DPYSL5: variants seen among roughly 807,000 people sequenced by gnomAD.
The protein encoded by DPYSL5 is dihydropyrimidinase like 5.
In DPYSL5, 9 loss-of-function variants were observed where a neutral mutation model predicts 58.4. The observed-to-expected ratio is 0.15, with a 90% CI of 0.09 to 0.27. The LOEUF (loss-of-function observed/expected upper bound fraction) is 0.27, where lower values mean the gene tolerates loss of function less well. Among genes scored for constraint, DPYSL5 ranks in the 10% least tolerant of loss-of-function variants. The pLI is 1.00. For synonymous variants in DPYSL5, 293 were observed against 301.9 expected, an observed-to-expected ratio of 0.97 and a Z score of 0.31; for missense variants, 499 against 770.6, an observed-to-expected ratio of 0.65 and a Z score of 4.17.
At chr2:26,867,304 T>G (rs1476621591) in intron 1 of DPYSL5, among the ~76,000 whole-genome samples, 1 of 152,228 alleles carries the variant, frequency 6.6e-6, no homozygotes, top group African/African-American at 2.4e-5. Context: ...CAATTTTCCT[T>G]ATCACTAATC....
chr2:26,928,068 C>T (rs1393061193), intron 4 of DPYSL5, among the ~76,000 whole-genome samples, 187 bp from the exon 5 acceptor site: 1 of 152,188 alleles, frequency 6.6e-6, no homozygotes, highest in South Asian at 2.1e-4. Context: ...ATCAGGAGAG[C>T]CCCACTGCAT....
chr2:26,931,725 T>A lies in DPYSL5; in HGVS notation c.714+41T>A, dbSNP rs767754631. 3 of 1,609,476 alleles carry A rather than the reference T, an allele frequency of 1.9e-6. No homozygotes were observed. The South Asian group carries it at 3.3e-5, about 18-fold the overall frequency. On this transcript the variant is annotated intron_variant, in intron 6 of 12. Coordinates refer to ENST00000288699, the MANE Select transcript of DPYSL5 (RefSeq NM_020134.4). Reference sequence around the variant, plus strand: ...TCCACTGTGGGATTAGAAACCAACCTTGGCCAGGCACGGTGCTGATGTCTG... The same window carrying A: ...TCCACTGTGGGATTAGAAACCAACCATGGCCAGGCACGGTGCTGATGTCTG...
chr2:26,912,258 C>T (rs1664457959), intron 2 of DPYSL5, among the ~76,000 whole-genome samples: 1 of 152,240 alleles, frequency 6.6e-6, no homozygotes, highest in Non-Finnish European at 1.5e-5. Flanking sequence ...AAGGGCAGGG[C>T]AGGCCTGTCT....
chr2:26,932,208 A>AAAGG (rs1178078504), intron 6 of DPYSL5, among the ~76,000 whole-genome samples: 1 of 70,172 alleles, frequency 1.4e-5, no homozygotes, highest in African/African-American at 5.7e-5. Flanking sequence ...AGAAAGAAAG[A>AAAGG]AAAGAAAGAA....
chr2:26,848,662 C>T (rs1665660874), intron 1 of DPYSL5: 1 of 152,386 alleles, frequency 6.6e-6, no homozygotes, highest in Non-Finnish European at 1.5e-5. Context: ...GGGGGCCAGT[C>T]CTGCCGGTCC....
At chr2:26,903,004 G>T (rs748758045) in intron 2 of DPYSL5, among the ~76,000 whole-genome samples, 2 of 151,898 alleles carry the variant, frequency 1.3e-5, no homozygotes, top group Non-Finnish European at 2.9e-5. Context: ...GTAAAAATGG[G>T]CAACCAGCAG....
At position 26,894,983 on chromosome 2, in the gene DPYSL5, A is replaced by G. The variant is rs145375852; in HGVS notation, c.-4-3513A>G. Reference sequence around the variant, plus strand: ...TCCATTTTGAGTTCATTTTTATATAAGATTTTAGGTTTAAATTAAGGCTGG... The same window carrying G: ...TCCATTTTGAGTTCATTTTTATATAGGATTTTAGGTTTAAATTAAGGCTGG... On this transcript the variant is annotated intron_variant, in intron 1 of 12. Coordinates refer to ENST00000288699, the MANE Select transcript of DPYSL5 (RefSeq NM_020134.4). Among the ~76,000 whole-genome samples, 207 of 152,284 alleles carry G rather than the reference A, an allele frequency of 1.4e-3. 1 individual carries two copies. The highest frequency in any genetic ancestry group is 3.9e-3 in the African/African-American group (161 of 41,562).
In DPYSL5 at chr2:26,949,800, C is replaced by G. The variant is rs1340339960; in HGVS notation, c.*2805C>G. 6.6e-6 allele frequency: 1 copy of G among 152,622 alleles called. No homozygotes were observed. The highest frequency in any genetic ancestry group is 6.5e-5 in the Admixed American group (1 of 15,282). The allele number at this position is 152,622 out of a possible 1,614,324, so 9.5% of individuals were successfully genotyped here. A position where few individuals can be genotyped will look rare whatever the true frequency, so the allele number is the denominator to read the frequency against. ...AGCCAAATGAGCGGTCAGCCCCCACCATGCACTCCTTGCCCCGTGCAGAGC... is the reference window on the plus strand; with the variant it reads ...AGCCAAATGAGCGGTCAGCCCCCACGATGCACTCCTTGCCCCGTGCAGAGC... On this transcript the variant is annotated 3_prime_UTR_variant, in exon 13 of 13. Transcript: ENST00000288699.
At chr2:26,861,618 G>A (rs1414668903) in intron 1 of DPYSL5, among the ~76,000 whole-genome samples, 1 of 152,202 alleles carries the variant, frequency 6.6e-6, no homozygotes, top group Non-Finnish European at 1.5e-5. Flanking sequence ...GGGTTAGGAA[G>A]CCTCTGGATG....
At chr2:26,913,215 T>G (rs1664485007) in intron 2 of DPYSL5, among the ~76,000 whole-genome samples, 1 of 152,206 alleles carries the variant, frequency 6.6e-6, no homozygotes, top group Non-Finnish European at 1.5e-5. Context: ...CCACTGGCTC[T>G]CTATTGATGA....
At chr2:26,886,983 A>G (rs1169178139) in intron 1 of DPYSL5, among the ~76,000 whole-genome samples, 1 of 152,218 alleles carries the variant, frequency 6.6e-6, no homozygotes, top group Admixed American at 6.5e-5. Flanking sequence ...TGCTTGGAGC[A>G]AGGGAAAATC....
intron 1 of DPYSL5, among the ~76,000 whole-genome samples, chr2:26,883,579 A>G (rs986835760): frequency 6.6e-6 from 1 of 152,044 alleles, no homozygotes; most frequent in African/African-American, 2.4e-5. Context: ...TTGTATTTTT[A>G]GTAGAGATGG....
chr2:26,855,256 C>T (rs1403623915), intron 1 of DPYSL5, among the ~76,000 whole-genome samples: 2 of 151,504 alleles, frequency 1.3e-5, no homozygotes, highest in Non-Finnish European at 1.5e-5. Flanking sequence ...GGTGAAACCC[C>T]GTCTCTACTA....
intron 1 of DPYSL5, among the ~76,000 whole-genome samples, chr2:26,882,015 C>T (rs1332044864): frequency 2.9e-5 from 4 of 137,244 alleles, no homozygotes; most frequent in Admixed American, 8.0e-5. Flanking sequence ...GGCGTGAACG[C>T]GGGAGGCAGA....
At chr2:26,931,203 G>GTGTATATATATA (rs1474347605) in intron 5 of DPYSL5, among the ~76,000 whole-genome samples, 3 of 44,910 alleles carry the variant, frequency 6.7e-5, no homozygotes, top group Non-Finnish European at 1.3e-4. Context: ...GTGTGTGTGT[G>GTGTATATATATA]TATATATATA....
intron 1 of DPYSL5, among the ~76,000 whole-genome samples, chr2:26,868,971 G>A (rs1343544840): frequency 6.6e-6 from 1 of 151,906 alleles, no homozygotes; most frequent in Non-Finnish European, 1.5e-5. Context: ...TGCCTTTCTT[G>A]GTTTGTTTTT....
chr2:26,902,936 A>C (rs140805534), intron 2 of DPYSL5, among the ~76,000 whole-genome samples: 157 of 152,066 alleles, frequency 1.0e-3, no homozygotes, highest in African/African-American at 3.5e-3. Flanking sequence ...TAGATGGTCT[A>C]AAAAAAAGGA....
chr2:26,916,817 C>A (rs994311799), intron 2 of DPYSL5, among the ~76,000 whole-genome samples: 2 of 152,218 alleles, frequency 1.3e-5, no homozygotes, highest in African/African-American at 4.8e-5. Flanking sequence ...GAAGTCATTT[C>A]TGTTAAAACT....
chr2:26,919,740 TG>T (rs1246236312), intron 2 of DPYSL5, among the ~76,000 whole-genome samples: 1 of 152,160 alleles, frequency 6.6e-6, no homozygotes, highest in Admixed American at 6.5e-5. Context: ...CTGGAATAGT[TG>T]GAGATGAGGA....
Sources: allele counts gnomAD v4.1 joint callset (sites outside exome capture counted in the v4.1 genomes callset), GRCh38; gene constraint gnomAD v4.1.1; transcripts MANE v1.5; gene names NCBI Gene and HGNC (gene_info 2026-07-23, HGNC 2026-07-21).